Variants in CACNA1C observed in about 807,000 individuals in gnomAD.
The protein encoded by CACNA1C is voltage-dependent L-type calcium channel subunit alpha-1C.
Under a neutral mutation model 229.0 loss-of-function variants are expected in CACNA1C, and 30 were observed. The observed-to-expected ratio is 0.13, with a 90% CI of 0.10 to 0.18. The LOEUF (loss-of-function observed/expected upper bound fraction) is 0.18, where lower values mean the gene tolerates loss of function less well. Ranked by LOEUF, CACNA1C falls within the 10% of genes least tolerant of loss-of-function variation. The probability of loss-of-function intolerance (pLI) is 1.00; values close to 1 mark genes in which losing one functional copy is unlikely to be tolerated. For synonymous variants in CACNA1C, 1,114 were observed against 1,132.5 expected (o/e 0.98, Z 0.33); for missense variants, 1,658 against 2,845.0 (o/e 0.58, Z 9.49).
At position 2,110,895 on chromosome 12, in the gene CACNA1C, G is replaced by T. The variant is rs2238031; in HGVS notation, c.50-4329G>T. ...GTGGGTGGGAAAATTACTTGGAGAA[G>T]GGGAGGCCCAGGCCCGGAGGTGGTC... On this transcript the variant is annotated intron_variant, in intron 1 of 46. Transcript: ENST00000399655. 1.1e-3 allele frequency among the ~76,000 whole-genome samples: 165 copies of T among 151,952 alleles called. 1 individual carries two copies. The highest frequency in any genetic ancestry group is 2.7e-3 in the South Asian group (13 of 4,804).
At chr12:2,157,568 A>G (rs1232020538) in intron 3 of CACNA1C, among the ~76,000 whole-genome samples, 1 of 152,240 alleles carries the variant, frequency 6.6e-6, no homozygotes, top group African/African-American at 2.4e-5. Context: ...AGAGTGGACC[A>G]GCCTAAAGAG....
At chr12:2,035,992 T>C (rs2049070859) in intron 1 of CACNA1C, among the ~76,000 whole-genome samples, 1 of 152,224 alleles carries the variant, frequency 6.6e-6, no homozygotes, top group African/African-American at 2.4e-5. Context: ...TTTTGCGGTC[T>C]TGTGAATAAG....
intron 4 of CACNA1C, among the ~76,000 whole-genome samples, chr12:2,450,571 A>AAAC (rs1555604362): frequency 1.3e-5 from 2 of 149,456 alleles, no homozygotes; most frequent in African/African-American, 5.0e-5. Flanking sequence ...AAAAAAAAAA[A>AAAC]AAAAAAACGC....
Position 2,680,609 on chromosome 12 carries a change from TA to T in CACNA1C, c.5444+815del. The T allele has an allele frequency of 2.0e-6, 3 of 1,526,662 alleles. No individual in the cohort carries two copies. In the South Asian group the frequency reaches 3.6e-5, roughly 18 times the overall value. The allele number at this position is 1,526,662 out of a possible 1,614,324, so 94.6% of individuals were successfully genotyped here. On this transcript the variant is annotated intron_variant, in intron 42 of 46. Transcript: ENST00000399655. ...CATGCTCGCCCTCCAGCTCAGAAAATAATAGAGAAGTAGCAGCTTCCCTCTA... is the reference window on the plus strand; with the variant it reads ...CATGCTCGCCCTCCAGCTCAGAAAATATAGAGAAGTAGCAGCTTCCCTCTA...
intron 39 of CACNA1C, 64 bp downstream of exon 39, chr12:2,674,706 C>G (rs1328509206): frequency 7.0e-7 from 1 of 1,427,560 alleles, no homozygotes; most frequent in East Asian, 2.5e-5. Flanking sequence ...CTGCCTGCCT[C>G]TCCTCCAGCT....
At chr12:2,440,876 G>A (rs1421964826) in intron 3 of CACNA1C, among the ~76,000 whole-genome samples, 4 of 152,196 alleles carry the variant, frequency 2.6e-5, no homozygotes, top group Admixed American at 6.5e-5. Flanking sequence ...GCGGCAAGTG[G>A]AGCAAAGTGC....
At position 2,666,084 on chromosome 12, in the gene CACNA1C, G is replaced by A. The variant is rs2096076142; in HGVS notation, c.4526+376G>A. ...CATGCCTATAATCCCAGCTACTCAG[G>A]AGGCCAAGGCATGAGAATTGCCTGA... On this transcript the variant is annotated intron_variant, in intron 36 of 46. Transcript: ENST00000399655. The surrounding 1 kb of genome is among the most constrained non-coding windows in gnomAD (Gnocchi z 5.3). Among the ~76,000 whole-genome samples the A allele has an allele frequency of 6.6e-6, 1 of 152,198 alleles. No homozygotes were observed. Among genetic ancestry groups the A allele is most frequent in the Admixed American group, 6.5e-5 (1 of 15,286 alleles).
rs1229438421 is a variant in CACNA1C, at chr12:2,653,960, G to A, written c.4140+60G>A. On this transcript the variant is annotated intron_variant, in intron 33 of 46. Coordinates refer to ENST00000399655, the MANE Select transcript of CACNA1C (RefSeq NM_000719.7). The surrounding 1 kb of genome is among the most constrained non-coding windows in gnomAD (Gnocchi z 4.7). Reference sequence around the variant, plus strand: ...CCGCTCTGTCTCTCCCCAGTTCCCAGCACCACATTCCCTAACGCCTTCCTC... The same window carrying A: ...CCGCTCTGTCTCTCCCCAGTTCCCAACACCACATTCCCTAACGCCTTCCTC... 5 of 1,367,790 alleles carry A rather than the reference G, an allele frequency of 3.7e-6. No individual in the cohort carries two copies. The highest frequency in any genetic ancestry group is 1.2e-5 in the South Asian group (1 of 85,494). 84.7% of individuals were successfully genotyped at this position (1,367,790 alleles called of 1,614,324 possible). A position where few individuals can be genotyped will look rare whatever the true frequency, so the allele number is the denominator to read the frequency against.
chr12:2,572,571 CCTT>C (rs1420154100), intron 13 of CACNA1C, among the ~76,000 whole-genome samples: 2 of 117,356 alleles, frequency 1.7e-5, no homozygotes, highest in African/African-American at 3.4e-5. Context: ...CTCTCCTCCT[CCTT>C]CTCCTCTCCT....
At position 2,108,655 on chromosome 12, in the gene CACNA1C, C is replaced by T. The variant is rs2080242495; in HGVS notation, c.50-6569C>T. 6.6e-6 allele frequency among the ~76,000 whole-genome samples: 1 copy of T among 152,200 alleles called. No individual in the cohort carries two copies. Among genetic ancestry groups the T allele is most frequent in the Admixed American group, 6.5e-5 (1 of 15,276 alleles). On this transcript the variant is annotated intron_variant, in intron 1 of 46. Transcript: ENST00000399655. The surrounding 1 kb of genome is among the most constrained non-coding windows in gnomAD (Gnocchi z 5.3). ...CGCAAGTTTACCAGCCTCCCACCCA[C>T]CACATGGTGCTCAGCACACACCATC... is the stretch of plus-strand genomic sequence containing the variant.
At chr12:2,079,926 T>C (rs2064821843) in intron 1 of CACNA1C, among the ~76,000 whole-genome samples, 1 of 152,154 alleles carries the variant, frequency 6.6e-6, no homozygotes, top group Non-Finnish European at 1.5e-5. Flanking sequence ...ATTACTACCT[T>C]GAAAACTGAA....
intron 3 of CACNA1C, among the ~76,000 whole-genome samples, chr12:2,332,069 T>A (rs1219352106): frequency 6.6e-6 from 1 of 152,216 alleles, no homozygotes; most frequent in Non-Finnish European, 1.5e-5. Context: ...CTCATCACAG[T>A]ATATGAAAAT....
rs897046930 is a variant in CACNA1C at position 2,610,524 on chromosome 12, C to T, written c.3559-17C>T. On this transcript the variant is annotated splice_polypyrimidine_tract_variant and intron_variant, in intron 27 of 46. Transcript: ENST00000399655. ...GTTAACTAACCCCACTCTCCCCATC[C>T]TCCACCACCCTCCCAGCGACAGTGC... 1 of 1,606,854 alleles carries T rather than the reference C, an allele frequency of 6.2e-7. No individual in the cohort carries two copies. Among genetic ancestry groups the T allele is most frequent in the Non-Finnish European group, 8.5e-7 (1 of 1,175,242 alleles).
intron 13 of CACNA1C, among the ~76,000 whole-genome samples, chr12:2,573,792 C>T (rs1408030109): frequency 6.6e-6 from 1 of 152,184 alleles, no homozygotes; most frequent in Non-Finnish European, 1.5e-5. Context: ...TAATATTGTC[C>T]TTGTAACATA....
chr12:2,007,898 C>G (rs771753928), intron 1 of CACNA1C, among the ~76,000 whole-genome samples: 2 of 152,126 alleles, frequency 1.3e-5, no homozygotes, highest in African/African-American at 2.4e-5. Flanking sequence ...TGGCACTTAG[C>G]TCACTTTATC....
chr12:2,516,308 T>G (rs895527320), intron 9 of CACNA1C, among the ~76,000 whole-genome samples: 1 of 152,054 alleles, frequency 6.6e-6, no homozygotes, highest in Non-Finnish European at 1.5e-5. Flanking sequence ...TGGTGTAAGG[T>G]GAGGCTGTGG....
intron 37 of CACNA1C, chr12:2,668,376 T>A (rs1053265078): frequency 6.6e-6 from 1 of 152,316 alleles, no homozygotes; most frequent in Non-Finnish European, 1.5e-5. Context: ...CTCCCTGGAA[T>A]GCTTCAGGGA....
chr12:2,238,509 A>G (rs1600227591), intron 3 of CACNA1C, among the ~76,000 whole-genome samples: 2 of 152,356 alleles, frequency 1.3e-5, no homozygotes. Context: ...ATCATGTTGA[A>G]TCTTACAGAG....
chr12:2,283,490 G>A (rs2091964207), intron 3 of CACNA1C, among the ~76,000 whole-genome samples: 1 of 152,174 alleles, frequency 6.6e-6, no homozygotes, highest in Non-Finnish European at 1.5e-5. Flanking sequence ...AGCCTGCAGG[G>A]ACAGGGCATT....
Sources: allele counts gnomAD v4.1 joint callset (sites outside exome capture counted in the v4.1 genomes callset), GRCh38; gene constraint gnomAD v4.1.1; non-coding constraint Gnocchi (gnomAD v3.1); transcripts MANE v1.5; gene names NCBI Gene and HGNC (gene_info 2026-07-23, HGNC 2026-07-21).